Variants in SAR1B observed in about 807,000 individuals in gnomAD.
SAR1B encodes small COPII coat GTPase SAR1B.
A neutral mutation model predicts 26.8 loss-of-function variants in SAR1B; 23 were observed. The observed-to-expected ratio is 0.86, with a 90% confidence interval of 0.62 to 1.22. SAR1B has a LOEUF of 1.22. Among genes scored for constraint, SAR1B ranks in the 50% most tolerant of loss-of-function variants. The pLI, the probability that SAR1B is intolerant of heterozygous loss-of-function variation, is 0.00. For missense variants in SAR1B, 196 were observed against 232.8 expected (o/e 0.84, Z 1.03); for synonymous variants, 65 against 80.8 (o/e 0.80, Z 1.05).
chr5:134,629,647 A>G (rs1765563340), intron 1 of SAR1B, among the ~76,000 whole-genome samples: 1 of 152,028 alleles, frequency 6.6e-6, no homozygotes, highest in African/African-American at 2.4e-5. Context: ...CAGTGAGCCA[A>G]GATCGCGCCA....
In SAR1B at chr5:134,619,330, CA is replaced by C. The variant is rs796297639; in HGVS notation, c.178+1602del. 4.2e-4 allele frequency among the ~76,000 whole-genome samples: 44 copies of C among 105,298 alleles called. 1 individual carries two copies. The highest frequency in any genetic ancestry group is 5.6e-4 in the Admixed American group (5 of 8,940). 69.1% of individuals were successfully genotyped at this position (105,298 alleles called of 152,430 possible). A position where few individuals can be genotyped will look rare whatever the true frequency, so the allele number is the denominator to read the frequency against. On this transcript the variant is annotated intron_variant, in intron 3 of 6. Coordinates refer to ENST00000402673, the MANE Select transcript of SAR1B (RefSeq NM_016103.4). ...TGGGCAACAGAGCAAGACTCCATCT[CA>C]AAAAAAAAAAAACTTTCAATTTTTT...
chr5:134,615,116 A>AGGCG lies in SAR1B; in HGVS notation c.179-2361_179-2360insCGCC, dbSNP rs1298939524. ...GTAATCCCAGCACTTTGGGAGGCCG[A>AGGCG]GATGGGCAGATCACGAGGTCAGGAG... On this transcript the variant is annotated intron_variant, in intron 3 of 6. Coordinates refer to ENST00000402673, the MANE Select transcript of SAR1B (RefSeq NM_016103.4). Among the ~76,000 whole-genome samples the AGGCG allele has an allele frequency of 7.2e-5, 11 of 152,038 alleles. No homozygotes were observed. The East Asian group carries it at 9.7e-4, about 13-fold the overall frequency.
chr5:134,630,116 A>G (rs1202329234), intron 1 of SAR1B, among the ~76,000 whole-genome samples: 1 of 151,750 alleles, frequency 6.6e-6, no homozygotes, highest in Admixed American at 6.6e-5. Flanking sequence ...ATTTAAAGTG[A>G]GCGAGCGTAG....
chr5:134,612,735 G>A lies in SAR1B; in HGVS notation c.200C>T (p.Ala67Val), dbSNP rs1175990618. Residue 67 changes from alanine to valine, a missense_variant, in exon 4 of 7, where the codon GCT becomes GTT. Coordinates refer to ENST00000402673, the MANE Select transcript of SAR1B (RefSeq NM_016103.4). Reference protein sequence around the residue: ...LHPTSEELTIAGMTFTTFDLG... With the variant: ...LHPTSEELTIVGMTFTTFDLG... The stretch of plus-strand genomic sequence containing the variant: ...ATCAAAAGTTGTAAACGTCATGCCA[G>A]CAATGGTCAGTTCTTCGGAAGCTAA... 1.3e-6 allele frequency: 2 copies of A among 1,515,964 alleles called. No individual in the cohort carries two copies. The highest frequency in any genetic ancestry group is 1.8e-6 in the Non-Finnish European group (2 of 1,124,578). 93.9% of individuals were successfully genotyped at this position (1,515,964 alleles called of 1,614,324 possible). A position where few individuals can be genotyped will look rare whatever the true frequency, so the allele number is the denominator to read the frequency against.
intron 3 of SAR1B, chr5:134,614,884 C>T (rs1327910964): frequency 6.6e-6 from 1 of 152,210 alleles, no homozygotes; most frequent in Non-Finnish European, 1.5e-5. Flanking sequence ...GTAGCTGTTG[C>T]CCAATGTCTG....
At chr5:134,629,387 C>T (rs1375920442) in intron 1 of SAR1B, among the ~76,000 whole-genome samples, 6 of 151,542 alleles carry the variant, frequency 4.0e-5, no homozygotes, top group Non-Finnish European at 5.9e-5. Flanking sequence ...GGGAAGACCC[C>T]GTCTCTACAA....
intron 1 of SAR1B, among the ~76,000 whole-genome samples, chr5:134,630,889 C>CTTTTTTTTTTTTTTTT (rs781218368): frequency 6.5e-3 from 452 of 69,074 alleles, no homozygotes; most frequent in Non-Finnish European, 8.4e-3. Flanking sequence ...CTTTTTTTTT[C>CTTTTTTTTTTTTTTTT]TTTTTTTTTT....
At chr5:134,612,906 A>AC (rs1245400538) in intron 3 of SAR1B, 150 bp from the exon 4 acceptor site, 1 of 664,854 alleles carries the variant, frequency 1.5e-6, no homozygotes, top group Non-Finnish European at 2.6e-6. Flanking sequence ...TGATTCAAAG[A>AC]CCCGTGCTAA....
intron 2 of SAR1B, among the ~76,000 whole-genome samples, chr5:134,622,074 G>A (rs1205016440): frequency 1.3e-5 from 2 of 152,116 alleles, no homozygotes; most frequent in African/African-American, 4.8e-5. Context: ...AATTACATGT[G>A]AGCCACCACA....
rs141356083 is a variant in SAR1B at position 134,616,530 on chromosome 5, A to G, written c.179-3774T>C. ...CAATCTATATTCAAAGTCACTGTTCATAAGGAAAAGATAATGCTTAGTTAG... is the reference window on the plus strand; with the variant it reads ...CAATCTATATTCAAAGTCACTGTTCGTAAGGAAAAGATAATGCTTAGTTAG... On this transcript the variant is annotated intron_variant, in intron 3 of 6. Transcript: ENST00000402673. 3.3e-4 allele frequency among the ~76,000 whole-genome samples: 50 copies of G among 152,296 alleles called. 1 individual carries two copies. Among genetic ancestry groups the G allele is most frequent in the Non-Finnish European group, 4.7e-4 (32 of 68,022 alleles).
In SAR1B at chr5:134,603,814, C is replaced by A. The variant is rs113422683; in HGVS notation, c.*3136G>T. The A allele has an allele frequency of 4.0e-5, 6 of 151,506 alleles. No individual in the cohort carries two copies. The highest frequency in any genetic ancestry group is 8.8e-5 in the Non-Finnish European group (6 of 67,898). The allele number at this position is 151,506 out of a possible 1,614,324, so 9.4% of individuals were successfully genotyped here. A position where few individuals can be genotyped will look rare whatever the true frequency, so the allele number is the denominator to read the frequency against. On this transcript the variant is annotated 3_prime_UTR_variant, in exon 7 of 7. Coordinates refer to ENST00000402673, the MANE Select transcript of SAR1B (RefSeq NM_016103.4). ...ACTCCATCTCAAAAAAAACAAAAAA[C>A]AAAAAAACAAAAAACAAAAACAAAA...
intron 4 of SAR1B, among the ~76,000 whole-genome samples, chr5:134,611,883 G>T (rs897916550): frequency 6.6e-6 from 1 of 152,028 alleles, no homozygotes; most frequent in African/African-American, 2.4e-5. Context: ...AGAAAAGTAG[G>T]CCAGATGTGG....
intron 6 of SAR1B, 79 bp from the exon 7 acceptor site, chr5:134,607,145 AT>A (rs1373078529): frequency 1.1e-6 from 1 of 927,620 alleles, no homozygotes; most frequent in Non-Finnish European, 1.8e-6. Flanking sequence ...TATAGGTTCT[AT>A]TTTAGAACAA....
chr5:134,629,957 A>G (rs1765571813), intron 1 of SAR1B, among the ~76,000 whole-genome samples: 1 of 151,934 alleles, frequency 6.6e-6, no homozygotes, highest in African/African-American at 2.4e-5. Context: ...ATAGTAGAAA[A>G]TTTTTAAGAG....
At chr5:134,628,693 C>T (rs1426250864) in intron 1 of SAR1B, among the ~76,000 whole-genome samples, 9 of 151,870 alleles carry the variant, frequency 5.9e-5, no homozygotes, top group South Asian at 4.2e-4. Context: ...CTCACTCTGT[C>T]GCCCAGGCTG....
chr5:134,609,415 T>C (rs528881872), intron 5 of SAR1B, among the ~76,000 whole-genome samples, 156 bp downstream of exon 5: 1 of 152,360 alleles, frequency 6.6e-6, no homozygotes, highest in African/African-American at 2.4e-5. Flanking sequence ...GCATTCTAAG[T>C]AATCACTACT....
intron 1 of SAR1B, among the ~76,000 whole-genome samples, chr5:134,631,407 A>G (rs1276622881): frequency 6.6e-6 from 1 of 152,200 alleles, no homozygotes. Context: ...TTGCTTTGCT[A>G]TACTGGCACC....
At chr5:134,624,775 G>C (rs1199503630) in intron 1 of SAR1B, among the ~76,000 whole-genome samples, 1 of 151,878 alleles carries the variant, frequency 6.6e-6, no homozygotes, top group Non-Finnish European at 1.5e-5. Context: ...TTACAGGCAG[G>C]CACTGCCATG....
intron 5 of SAR1B, chr5:134,609,107 G>A (rs768456103): frequency 1.1e-5 from 5 of 456,912 alleles, no homozygotes; most frequent in South Asian, 7.7e-5. Flanking sequence ...GCCTGCTGCT[G>A]TTGGGCCCCT....
Sources: allele counts gnomAD v4.1 joint callset (sites outside exome capture counted in the v4.1 genomes callset), GRCh38; gene constraint gnomAD v4.1.1; transcripts MANE v1.5; gene names NCBI Gene and HGNC (gene_info 2026-07-23, HGNC 2026-07-21).